Variants in CYB5A observed in about 807,000 individuals in gnomAD.
CYB5A encodes the protein cytochrome b5 type A, also known as cytochrome b5.
A neutral mutation model predicts 16.2 loss-of-function variants in CYB5A; 10 were observed. The observed-to-expected ratio is 0.62, with a 90% confidence interval of 0.38 to 1.04. The LOEUF (loss-of-function observed/expected upper bound fraction) is 1.04, where lower values mean the gene tolerates loss of function less well. CYB5A is among the 50% of genes least tolerant of loss of function. CYB5A has a pLI of 0.01. For missense variants in CYB5A, 161 were observed against 165.9 expected (o/e 0.97, Z 0.16); for synonymous variants, 62 against 57.0 (o/e 1.09, Z -0.40).
intron 1 of CYB5A, among the ~76,000 whole-genome samples, chr18:74,280,552 T>C (rs952785897): frequency 2.0e-5 from 3 of 149,034 alleles, no homozygotes; most frequent in African/African-American, 7.5e-5. Context: ...CACTCCAGCC[T>C]GAGTGACAGA....
chr18:74,291,910 G>C lies in CYB5A; in HGVS notation c.-35C>G. The C allele has an allele frequency of 6.2e-7, 1 of 1,607,332 alleles. No homozygotes were observed. Among genetic ancestry groups the C allele is most frequent in the Non-Finnish European group, 8.5e-7 (1 of 1,179,740 alleles). ...CCGCGAGCCAGGCCCAGCACACACA[G>C]CCCCGTCGGGTGGAGCAGAGCGCGC... On this transcript the variant is annotated 5_prime_UTR_variant, in exon 1 of 5. Transcript: ENST00000340533.
intron 1 of CYB5A, among the ~76,000 whole-genome samples, chr18:74,275,946 C>T (rs1331396676): frequency 6.6e-6 from 1 of 152,198 alleles, no homozygotes; most frequent in Non-Finnish European, 1.5e-5. Flanking sequence ...GATACCCCAA[C>T]ACCAGCGCGG....
intron 3 of CYB5A, 43 bp downstream of exon 3, chr18:74,260,872 T>C: frequency 1.9e-6 from 3 of 1,573,280 alleles, no homozygotes; most frequent in Non-Finnish European, 2.6e-6. Flanking sequence ...AAGTATTAAA[T>C]ACAACGAGAA....
chr18:74,263,404 T>C lies in CYB5A; in HGVS notation c.203A>G (p.His68Arg). ...DATENFEDVGHSTDAREMSKT... is the reference protein window; with the variant it reads ...DATENFEDVGRSTDAREMSKT... ...GGACATTTCCCTGGCATCTGTAGAG[T>C]GCCCGACATCCTCAAAGTTCTCAGT... Residue 68 changes from histidine to arginine, a missense_variant, in exon 2 of 5, where the codon CAC becomes CGC. By Grantham distance (29) the His-to-Arg change is conservative. Coordinates refer to ENST00000340533, the MANE Select transcript of CYB5A (RefSeq NM_148923.4). 1.9e-6 allele frequency: 3 copies of C among 1,614,100 alleles called. No individual in the cohort carries two copies. Among genetic ancestry groups the C allele is most frequent in the East Asian group, 2.2e-5 (1 of 44,864 alleles).
At chr18:74,277,412 G>C (rs1408632741) in intron 1 of CYB5A, among the ~76,000 whole-genome samples, 1 of 152,190 alleles carries the variant, frequency 6.6e-6, no homozygotes, top group Non-Finnish European at 1.5e-5. Flanking sequence ...TCACCTAGAA[G>C]GTCATGGCAT....
intron 3 of CYB5A, chr18:74,256,922 A>G (rs1324627251): frequency 7.3e-7 from 1 of 1,364,390 alleles, no homozygotes; most frequent in African/African-American, 1.4e-5. Context: ...CTATTCCAGC[A>G]ATTTTAAAAT....
intron 4 of CYB5A, among the ~76,000 whole-genome samples, chr18:74,254,246 TG>T: frequency 6.6e-6 from 1 of 152,268 alleles, no homozygotes; most frequent in East Asian, 1.9e-4. Context: ...TTGAAGAGTA[TG>T]GGCCCTGTGA....
chr18:74,282,216 A>C (rs1401953545), intron 1 of CYB5A, among the ~76,000 whole-genome samples: 2 of 152,210 alleles, frequency 1.3e-5, no homozygotes, highest in Non-Finnish European at 1.5e-5. Flanking sequence ...CAAGGCCTAC[A>C]GAGTAAGAAG....
intron 1 of CYB5A, among the ~76,000 whole-genome samples, chr18:74,284,433 C>T (rs1312490356): frequency 2.0e-5 from 3 of 152,066 alleles, no homozygotes; most frequent in Admixed American, 6.5e-5. Context: ...TACTTGGGGA[C>T]GATTAATGAA....
At chr18:74,281,269 T>G (rs1056869753) in intron 1 of CYB5A, among the ~76,000 whole-genome samples, 1 of 152,162 alleles carries the variant, frequency 6.6e-6, no homozygotes, top group African/African-American at 2.4e-5. Context: ...CTACTGGACA[T>G]CTAACTGTGA....
At position 74,251,867 on chromosome 18, in the gene CYB5A, T is replaced by C. The variant is rs550460342; in HGVS notation, c.*1717A>G. On this transcript the variant is annotated 3_prime_UTR_variant, in exon 5 of 5. Transcript: ENST00000340533. ...TCAACTGTTATGTTTCTTAACGATA[T>C]ACAGATGCTATTACTCAACATCTTA... The C allele has an allele frequency of 3.3e-5, 5 of 152,386 alleles. No individual in the cohort carries two copies. The highest frequency in any genetic ancestry group is 2.1e-4 in the South Asian group (1 of 4,832). The allele number at this position is 152,386 out of a possible 1,614,324, so 9.4% of individuals were successfully genotyped here.
intron 4 of CYB5A, 69 bp from the exon 5 acceptor site, chr18:74,253,734 T>G: frequency 1.9e-6 from 2 of 1,064,140 alleles, no homozygotes; most frequent in Non-Finnish European, 2.9e-6. Flanking sequence ...TCTTTGCTCC[T>G]TCTAACAGAA....
At chr18:74,282,246 C>T (rs1216675632) in intron 1 of CYB5A, among the ~76,000 whole-genome samples, 2 of 152,104 alleles carry the variant, frequency 1.3e-5, no homozygotes, top group Non-Finnish European at 2.9e-5. Flanking sequence ...TAGCATGTGC[C>T]GTGTGTGGAA....
chr18:74,261,427 CA>C (rs1241402281), intron 2 of CYB5A: 5 of 191,270 alleles, frequency 2.6e-5, no homozygotes, highest in Non-Finnish European at 4.4e-5. Flanking sequence ...AAAGGCTGGC[CA>C]GGGGGAAGCC....
intron 1 of CYB5A, among the ~76,000 whole-genome samples, chr18:74,274,736 A>G (rs1003259554): frequency 6.6e-6 from 1 of 152,234 alleles, no homozygotes; most frequent in African/African-American, 2.4e-5. Context: ...TCAAATAACT[A>G]GGTCAAATGA....
chr18:74,255,787 G>A lies in CYB5A; in HGVS notation c.289-12C>T, dbSNP rs752497949. 2 of 1,604,346 alleles carry A rather than the reference G, an allele frequency of 1.2e-6. No individual in the cohort carries two copies. The highest frequency in any genetic ancestry group is 4.5e-5 in the East Asian group (2 of 44,840). ...GTGATAAGAGTTTCCTGAAACACGA[G>A]AGGAAAAAGTAAAGTAAGTTCAAGG... On this transcript the variant is annotated splice_polypyrimidine_tract_variant and intron_variant, in intron 3 of 4. Coordinates refer to ENST00000340533, the MANE Select transcript of CYB5A (RefSeq NM_148923.4).
Position 74,252,322 on chromosome 18 carries a change from A to G in CYB5A, c.*1262T>C, listed in dbSNP as rs1292738835. Reference sequence around the variant, plus strand: ...GTTTCCACATTTAAAAGAATAACACATAAGGCAGAGAATAATAAATGGGAA... The same window carrying G: ...GTTTCCACATTTAAAAGAATAACACGTAAGGCAGAGAATAATAAATGGGAA... On this transcript the variant is annotated 3_prime_UTR_variant, in exon 5 of 5. Transcript: ENST00000340533. 1.3e-5 allele frequency: 2 copies of G among 152,222 alleles called. No homozygotes were observed. Among genetic ancestry groups the G allele is most frequent in the Admixed American group, 6.5e-5 (1 of 15,290 alleles). The allele number at this position is 152,222 out of a possible 1,614,324, so 9.4% of individuals were successfully genotyped here.
chr18:74,286,116 C>G (rs1055432001), intron 1 of CYB5A, among the ~76,000 whole-genome samples: 3 of 152,192 alleles, frequency 2.0e-5, no homozygotes, highest in African/African-American at 4.8e-5. Context: ...GGATGTAAAG[C>G]ACATCCACGA....
At chr18:74,290,062 A>T (rs1410355372) in intron 1 of CYB5A, among the ~76,000 whole-genome samples, 1 of 152,172 alleles carries the variant, frequency 6.6e-6, no homozygotes, top group Non-Finnish European at 1.5e-5. Context: ...TTCCACATTT[A>T]GAGTTAATGA....
Sources: gnomAD v4.1 joint callset for allele counts (sites outside exome capture counted in the v4.1 genomes callset) on GRCh38, gnomAD v4.1.1 for gene constraint, MANE v1.5 for transcripts, NCBI Gene and HGNC (gene_info 2026-07-23, HGNC 2026-07-21) for gene names.